The following MFSD11 variants were observed in gnomAD, a reference collection of about 807,000 sequenced individuals.
The protein encoded by MFSD11 is major facilitator superfamily domain containing 11.
In MFSD11, 36 loss-of-function variants were observed where a neutral mutation model predicts 53.5. The observed-to-expected ratio is 0.67, with a 90% CI of 0.52 to 0.89. The LOEUF is 0.89. MFSD11 is among the 40% of genes least tolerant of loss of function. The probability of loss-of-function intolerance (pLI) is 0.00; values close to 1 mark genes in which losing one functional copy is unlikely to be tolerated. For missense variants in MFSD11, 530 were observed against 543.9 expected (o/e 0.97, Z 0.25); for synonymous variants, 186 against 184.9 (o/e 1.01, Z -0.05).
Position 76,739,408 on chromosome 17 carries a change from A to G in MFSD11, c.152+415A>G, listed in dbSNP as rs1240351095. Among the ~76,000 whole-genome samples, 4 of 152,232 alleles carry G rather than the reference A, an allele frequency of 2.6e-5. No homozygotes were observed. The East Asian group carries it at 7.7e-4, about 29-fold the overall frequency. ...CTGTTTTTGTAATTCATGACGATTA[A>G]TATACGTATGTCAGGAGCTTTTAGA... On this transcript the variant is annotated intron_variant, in intron 2 of 12. Transcript: ENST00000685175.
At chr17:76,787,260 C>G in the MFSD11 span, among the ~76,000 whole-genome samples, 1 of 133,154 alleles carries the variant, frequency 7.5e-6, no homozygotes, top group African/African-American at 2.7e-5. Flanking sequence ...CTCAGGCTCC[C>G]GAGTAGCTGG....
Position 76,778,191 on chromosome 17 carries a change from A to T in MFSD11, c.1189A>T (p.Ile397Phe), listed in dbSNP as rs540375917. Residue 397 changes from isoleucine to phenylalanine, a missense_variant, in exon 13 of 13, where the codon ATT becomes TTT. Transcript: ENST00000685175. Reference sequence around the variant, plus strand: ...GATTTGTTTTGTTTGTTCTTAGTCTATTTGCGCAGCCGTGGCATTTTTCTA... The same window carrying T: ...GATTTGTTTTGTTTGTTCTTAGTCTTTTTGCGCAGCCGTGGCATTTTTCTA... ...AFAIFKFVQS[I>F]CAAVAFFYSN... 6.2e-7 allele frequency: 1 copy of T among 1,614,000 alleles called. No individual in the cohort carries two copies. Among genetic ancestry groups the T allele is most frequent in the Admixed American group, 1.7e-5 (1 of 59,982 alleles).
the MFSD11 span, among the ~76,000 whole-genome samples, chr17:76,787,515 A>C: frequency 6.7e-6 from 1 of 150,280 alleles, no homozygotes; most frequent in Non-Finnish European, 1.5e-5. Flanking sequence ...TAATTGAAAG[A>C]AAATATTCTT....
At chr17:76,754,748 C>T (rs1489132470) in intron 8 of MFSD11, among the ~76,000 whole-genome samples, 1 of 151,054 alleles carries the variant, frequency 6.6e-6, no homozygotes, top group African/African-American at 2.4e-5. Context: ...CTCCAGTGAC[C>T]CAGAAGGTAG....
the MFSD11 span, among the ~76,000 whole-genome samples, chr17:76,797,763 C>A: frequency 6.6e-6 from 1 of 152,110 alleles, no homozygotes; most frequent in Non-Finnish European, 1.5e-5. Context: ...CCACTTACTT[C>A]AGATGCCAGT....
chr17:76,772,591 C>G (rs1341964835), intron 10 of MFSD11, among the ~76,000 whole-genome samples: 2 of 148,612 alleles, frequency 1.3e-5, no homozygotes, highest in African/African-American at 5.0e-5. Context: ...GATCTTGGCT[C>G]ACTGCAACCT....
chr17:76,782,474 C>CTTTTTTT (rs33999736), downstream of MFSD11, among the ~76,000 whole-genome samples: 7 of 76,170 alleles, frequency 9.2e-5, no homozygotes, highest in Non-Finnish European at 1.1e-4. Context: ...CGCGCCCAGG[C>CTTTTTTT]TTTTTTTTTT....
chr17:76,752,268 G>A (rs776155735), intron 7 of MFSD11, among the ~76,000 whole-genome samples: 2 of 152,088 alleles, frequency 1.3e-5, no homozygotes, highest in African/African-American at 4.8e-5. Context: ...ATGATCTAAT[G>A]TTAGGCACTT....
chr17:76,739,839 C>G (rs1322820464), intron 2 of MFSD11, among the ~76,000 whole-genome samples: 1 of 152,136 alleles, frequency 6.6e-6, no homozygotes, highest in Non-Finnish European at 1.5e-5. Context: ...AGTAGCACAG[C>G]TTTTTCTACT....
At chr17:76,786,767 G>A in the MFSD11 span, among the ~76,000 whole-genome samples, 1 of 152,244 alleles carries the variant, frequency 6.6e-6, no homozygotes, top group South Asian at 2.1e-4. Context: ...CCAAAATTCC[G>A]TACTCCAGAA....
intron 8 of MFSD11, among the ~76,000 whole-genome samples, chr17:76,766,348 G>A (rs1368451021): frequency 1.3e-5 from 2 of 151,232 alleles, no homozygotes; most frequent in South Asian, 4.2e-4. Context: ...GAACCCTAGA[G>A]GGGGAGGCTG....
chr17:76,740,230 T>G (rs1044008619), intron 2 of MFSD11, among the ~76,000 whole-genome samples: 6 of 151,198 alleles, frequency 4.0e-5, no homozygotes, highest in African/African-American at 1.5e-4. Context: ...TTTGAGAGAT[T>G]CATAAAAGCC....
chr17:76,754,540 C>T (rs776188180), intron 8 of MFSD11, among the ~76,000 whole-genome samples: 15 of 151,790 alleles, frequency 9.9e-5, no homozygotes, highest in South Asian at 2.1e-4. Flanking sequence ...AAAAATTTGC[C>T]GGGCGTGGTG....
At chr17:76,779,577 C>G (rs537936601), downstream of MFSD11, among the ~76,000 whole-genome samples, 1 of 152,048 alleles carries the variant, frequency 6.6e-6, no homozygotes, top group South Asian at 2.1e-4. Flanking sequence ...CTCTGCCTCC[C>G]GGGTTCAAGC....
chr17:76,762,702 C>G (rs1162389862), intron 8 of MFSD11, among the ~76,000 whole-genome samples: 1 of 149,382 alleles, frequency 6.7e-6, no homozygotes, highest in East Asian at 2.0e-4. Context: ...TAGTGAGACT[C>G]ACATTTATTC....
the MFSD11 span, among the ~76,000 whole-genome samples, chr17:76,797,077 G>C: frequency 6.6e-6 from 1 of 152,158 alleles, no homozygotes; most frequent in South Asian, 2.1e-4. Context: ...GCTGAGGCAG[G>C]AGAATTGCTG....
At chr17:76,793,281 A>G in the MFSD11 span, among the ~76,000 whole-genome samples, 1 of 151,464 alleles carries the variant, frequency 6.6e-6, no homozygotes, top group South Asian at 2.1e-4. Flanking sequence ...GAAGATGGCC[A>G]CACCCAAGGG....
chr17:76,803,608 G>T, the MFSD11 span, among the ~76,000 whole-genome samples: 2 of 151,934 alleles, frequency 1.3e-5, no homozygotes, highest in African/African-American at 4.8e-5. Flanking sequence ...TGATCTTATG[G>T]CCCCTGACCT....
chr17:76,789,683 C>G, the MFSD11 span, among the ~76,000 whole-genome samples: 1 of 149,900 alleles, frequency 6.7e-6, no homozygotes, highest in Non-Finnish European at 1.5e-5. Flanking sequence ...GATAGGGGCC[C>G]TCTCCTGCCC....
Sources: gnomAD v4.1 joint callset for allele counts (sites outside exome capture counted in the v4.1 genomes callset) on GRCh38, gnomAD v4.1.1 for gene constraint, MANE v1.5 for transcripts, NCBI Gene and HGNC (gene_info 2026-07-23, HGNC 2026-07-21) for gene names.